SND1: variants seen among roughly 807,000 people sequenced by gnomAD.
The protein encoded by SND1 is staphylococcal nuclease and tudor domain containing 1, also known as staphylococcal nuclease domain-containing protein 1.
Under a neutral mutation model 121.7 loss-of-function variants are expected in SND1, and 38 were observed. That is an observed-to-expected ratio of 0.31 (90% confidence interval 0.24 to 0.41). SND1 has a LOEUF of 0.41. Among genes scored for constraint, SND1 ranks in the 10% least tolerant of loss-of-function variants. SND1 has a pLI of 1.00. For synonymous variants in SND1, 401 were observed against 447.4 expected, an observed-to-expected ratio of 0.90 and a Z score of 1.31; for missense variants, 868 against 1,184.6, an observed-to-expected ratio of 0.73 and a Z score of 3.92.
chr7:127,841,147 C>G (rs1170191376), intron 11 of SND1, among the ~76,000 whole-genome samples: 1 of 152,202 alleles, frequency 6.6e-6, no homozygotes, highest in African/African-American at 2.4e-5. Context: ...TGAATTAGCT[C>G]TCTCTCTGGG....
chr7:127,952,889 G>T (rs1411767611), intron 15 of SND1, among the ~76,000 whole-genome samples: 2 of 152,146 alleles, frequency 1.3e-5, no homozygotes, highest in Non-Finnish European at 2.9e-5. Flanking sequence ...GGGGCTGGCT[G>T]CAGTGGCTCA....
At chr7:127,698,001 TAAGAG>T (rs1449201714) in intron 3 of SND1, among the ~76,000 whole-genome samples, 5 of 152,232 alleles carry the variant, frequency 3.3e-5, no homozygotes, top group Non-Finnish European at 7.3e-5. Flanking sequence ...AGCAGAGATT[TAAGAG>T]AAAACACTGA....
intron 21 of SND1, among the ~76,000 whole-genome samples, chr7:128,089,170 G>A (rs982678480): frequency 2.6e-5 from 4 of 152,010 alleles, no homozygotes; most frequent in Admixed American, 6.6e-5. Flanking sequence ...TTCTCGTGCC[G>A]CAGTTTCCCA....
chr7:127,780,380 A>G (rs1232020590), intron 10 of SND1, among the ~76,000 whole-genome samples: 1 of 152,230 alleles, frequency 6.6e-6, no homozygotes, highest in East Asian at 1.9e-4. Flanking sequence ...TGCCTGAGTT[A>G]GAATTCCTTT....
chr7:128,043,742 C>G (rs954304274), intron 16 of SND1, among the ~76,000 whole-genome samples: 2 of 150,918 alleles, frequency 1.3e-5, no homozygotes, highest in African/African-American at 4.9e-5. Flanking sequence ...TATTTCTGCC[C>G]CTTTTCAGAT....
chr7:127,856,386 G>T (rs1396181499), intron 12 of SND1, among the ~76,000 whole-genome samples: 1 of 152,152 alleles, frequency 6.6e-6, no homozygotes, highest in South Asian at 2.1e-4. Context: ...ACCTGAAAAG[G>T]CTTACTCAAA....
intron 1 of SND1, among the ~76,000 whole-genome samples, chr7:127,666,196 TCGGCC>T (rs1795415370): frequency 6.6e-6 from 1 of 152,206 alleles, no homozygotes; most frequent in East Asian, 1.9e-4. Context: ...GCCCTTGTAT[TCGGCC>T]CCTGAACCGT....
At chr7:127,743,943 G>A (rs1796930822) in intron 10 of SND1, among the ~76,000 whole-genome samples, 2 of 152,146 alleles carry the variant, frequency 1.3e-5, no homozygotes, top group South Asian at 4.1e-4. Context: ...CGACGGGCAT[G>A]TAAACTACAC....
rs1214575793 is a variant in SND1 at position 127,811,696 on chromosome 7, A to G, written c.1242+4123A>G. On this transcript the variant is annotated intron_variant, in intron 11 of 23. Coordinates refer to ENST00000354725, the MANE Select transcript of SND1 (RefSeq NM_014390.4). ...CAATCTGGAAATGGTTAATATATGTAATGATATTATCTCTATTCTGGGTAA... is the reference window on the plus strand; with the variant it reads ...CAATCTGGAAATGGTTAATATATGTGATGATATTATCTCTATTCTGGGTAA... Among the ~76,000 whole-genome samples the G allele has an allele frequency of 2.6e-5, 4 of 152,172 alleles. No homozygotes were observed. In the East Asian group the frequency reaches 7.7e-4, roughly 29 times the overall value.
intron 16 of SND1, among the ~76,000 whole-genome samples, chr7:128,003,638 G>A (rs999374874): frequency 1.2e-4 from 19 of 152,118 alleles, no homozygotes; most frequent in Non-Finnish European, 2.4e-4. Flanking sequence ...TCAAACCACC[G>A]ACCCAGGGTT....
chr7:127,752,627 T>C (rs940148354), intron 10 of SND1, among the ~76,000 whole-genome samples: 1 of 152,220 alleles, frequency 6.6e-6, no homozygotes, highest in Non-Finnish European at 1.5e-5. Context: ...TAAGCAAATA[T>C]TGAGATTTGT....
chr7:128,064,058 TAAC>T (rs754461692), intron 16 of SND1, among the ~76,000 whole-genome samples: 40 of 152,242 alleles, frequency 2.6e-4, no homozygotes, highest in African/African-American at 9.1e-4. Context: ...TTTTTTTAAG[TAAC>T]AACATTTATT....
At chr7:127,855,867 C>A (rs1003060971) in intron 12 of SND1, among the ~76,000 whole-genome samples, 1 of 152,176 alleles carries the variant, frequency 6.6e-6, no homozygotes, top group African/African-American at 2.4e-5. Flanking sequence ...CCAACAGATT[C>A]TTTTAAGGAT....
intron 13 of SND1, among the ~76,000 whole-genome samples, chr7:127,896,756 T>C (rs1251384119): frequency 6.6e-6 from 1 of 152,114 alleles, no homozygotes; most frequent in Admixed American, 6.6e-5. Flanking sequence ...TCCCCCTTCC[T>C]CAGACTCTGA....
At chr7:127,849,411 G>C (rs1011725834) in intron 12 of SND1, among the ~76,000 whole-genome samples, 2 of 152,098 alleles carry the variant, frequency 1.3e-5, no homozygotes. Context: ...TGCATATCAC[G>C]TTTTCAAAGA....
chr7:127,978,801 G>A (rs1350956627), intron 15 of SND1, among the ~76,000 whole-genome samples: 5 of 152,004 alleles, frequency 3.3e-5, no homozygotes, highest in South Asian at 2.1e-4. Flanking sequence ...ATTCTCCTGC[G>A]TCAGCCTGCC....
At chr7:127,913,371 A>G (rs1800501082) in intron 14 of SND1, among the ~76,000 whole-genome samples, 1 of 152,204 alleles carries the variant, frequency 6.6e-6, no homozygotes, top group Admixed American at 6.5e-5. Flanking sequence ...CCTAGCTTTT[A>G]GTGAAGTGTA....
intron 10 of SND1, among the ~76,000 whole-genome samples, chr7:127,793,392 T>C (rs1337357207): frequency 6.6e-6 from 1 of 152,202 alleles, no homozygotes; most frequent in African/African-American, 2.4e-5. Context: ...TTATTTGCTA[T>C]TGCGAGGATT....
chr7:127,820,220 C>T (rs1053550763), intron 11 of SND1, among the ~76,000 whole-genome samples: 3 of 152,208 alleles, frequency 2.0e-5, no homozygotes, highest in Non-Finnish European at 4.4e-5. Flanking sequence ...GGTTTTCTCT[C>T]ATTTGAGGGC....
Sources: allele counts gnomAD v4.1 joint callset (sites outside exome capture counted in the v4.1 genomes callset), GRCh38; gene constraint gnomAD v4.1.1; transcripts MANE v1.5; gene names NCBI Gene and HGNC (gene_info 2026-07-23, HGNC 2026-07-21).